LRRC9: variants seen among roughly 807,000 people sequenced by gnomAD.
LRRC9 encodes the protein leucine rich repeat containing 9.
LRRC9 carries 122 observed loss-of-function variants against 63.2 expected under a neutral mutation model. That is an observed-to-expected ratio of 1.93 (90% CI 1.67 to 2.24). The LOEUF is 2.24. Ranked by LOEUF, LRRC9 falls within the 30% of genes most tolerant of loss-of-function variation. The pLI, the probability that LRRC9 is intolerant of heterozygous loss-of-function variation, is 0.00. For synonymous variants in LRRC9, 366 were observed against 213.1 expected (o/e 1.72, Z -6.25); for missense variants, 1,071 against 627.7 (o/e 1.71, Z -7.55).
intron 29 of LRRC9, among the ~76,000 whole-genome samples, chr14:60,052,033 T>G (rs1205236856): frequency 6.6e-6 from 1 of 152,190 alleles, no homozygotes; most frequent in Non-Finnish European, 1.5e-5. Flanking sequence ...TGTGAGAACC[T>G]GGATATTTCA....
chr14:60,057,048 C>T (rs1032077885), intron 30 of LRRC9, among the ~76,000 whole-genome samples: 1 of 152,096 alleles, frequency 6.6e-6, no homozygotes, highest in African/African-American at 2.4e-5. Flanking sequence ...GTAAAAGGAC[C>T]AATACCTTAG....
chr14:60,005,897 A>G (rs1416411939), intron 21 of LRRC9, among the ~76,000 whole-genome samples: 2 of 152,094 alleles, frequency 1.3e-5, no homozygotes, highest in African/African-American at 4.8e-5. Flanking sequence ...GACTGGTTCC[A>G]TTTTCCAAAC....
chr14:60,018,113 G>T (rs981272007), intron 24 of LRRC9, among the ~76,000 whole-genome samples: 1 of 151,842 alleles, frequency 6.6e-6, no homozygotes, highest in African/African-American at 2.4e-5. Context: ...CTATAATAGT[G>T]CTATGTTTAT....
At chr14:59,977,568 TTGTGTGTGTGTGTGTG>T (rs150262478) in intron 14 of LRRC9, among the ~76,000 whole-genome samples, 1 of 144,514 alleles carries the variant, frequency 6.9e-6, no homozygotes, top group Non-Finnish European at 1.5e-5. Flanking sequence ...AATTATGTAT[TTGTGTGTGTGTGTGTG>T]TGTGTGTGTG....
At chr14:60,043,499 A>C (rs951433058) in intron 29 of LRRC9, among the ~76,000 whole-genome samples, 3 of 152,126 alleles carry the variant, frequency 2.0e-5, no homozygotes, top group African/African-American at 4.8e-5. Context: ...GTTTTCATTA[A>C]GGATACTGAA....
In LRRC9 at chr14:60,004,216, C is replaced by G. The variant is rs1396524214; in HGVS notation, c.2842+418C>G. Among the ~76,000 whole-genome samples, 1 of 152,242 alleles carries G rather than the reference C, an allele frequency of 6.6e-6. No individual in the cohort carries two copies. Among genetic ancestry groups the G allele is most frequent in the East Asian group, 1.9e-4 (1 of 5,182 alleles). On this transcript the variant is annotated intron_variant, in intron 21 of 31. Transcript: ENST00000445360. The surrounding 1 kb of genome is among the most constrained non-coding windows in gnomAD (Gnocchi z 4.8). ...TATAATCTGTTACCAAACATTAGCA[C>G]ATACCAACTAGTTAGTCATTAATGT...
At position 60,053,015 on chromosome 14, in the gene LRRC9, T is replaced by G. The variant is rs1894005996; in HGVS notation, c.3991-50T>G. ...TTTCCTTCTCTATACAGGTTAATCTTTGAAATAAAAGTTTTGTAGGAATAA... is the reference window on the plus strand; with the variant it reads ...TTTCCTTCTCTATACAGGTTAATCTGTGAAATAAAAGTTTTGTAGGAATAA... On this transcript the variant is annotated intron_variant, in intron 29 of 31. Transcript: ENST00000445360. The surrounding 1 kb of genome is among the most constrained non-coding windows in gnomAD (Gnocchi z 4.8). The G allele has an allele frequency of 7.4e-6, 5 of 675,380 alleles. No homozygotes were observed. Among genetic ancestry groups the G allele is most frequent in the South Asian group, 6.4e-5 (4 of 62,414 alleles). 41.8% of individuals were successfully genotyped at this position (675,380 alleles called of 1,614,324 possible). A position where few individuals can be genotyped will look rare whatever the true frequency, so the allele number is the denominator to read the frequency against.
intron 23 of LRRC9, among the ~76,000 whole-genome samples, chr14:60,012,166 A>G (rs1333138777): frequency 6.6e-6 from 1 of 152,180 alleles, no homozygotes; most frequent in Admixed American, 6.5e-5. Flanking sequence ...TGTCTGAGAT[A>G]TAAATAAACT....
chr14:59,945,497 G>A (rs945070641), intron 8 of LRRC9, among the ~76,000 whole-genome samples: 16 of 151,788 alleles, frequency 1.1e-4, no homozygotes, highest in African/African-American at 3.9e-4. Flanking sequence ...ATGAAAACAT[G>A]AAAAATTGAA....
intron 15 of LRRC9, among the ~76,000 whole-genome samples, chr14:59,979,943 T>G (rs1481314352): frequency 6.6e-6 from 1 of 151,878 alleles, no homozygotes; most frequent in African/African-American, 2.4e-5. Flanking sequence ...ATTGTGCACA[T>G]GTACCCTAAT....
Position 59,927,886 on chromosome 14 carries a change from T to G in LRRC9, c.-33-25T>G, listed in dbSNP as rs2139762433. 1 of 636,184 alleles carries G rather than the reference T, an allele frequency of 1.6e-6. No homozygotes were observed. The highest frequency in any genetic ancestry group is 1.9e-5 in the African/African-American group (1 of 53,786). The allele number at this position is 636,184 out of a possible 1,614,324, so 39.4% of individuals were successfully genotyped here. Reference sequence around the variant, plus strand: ...GAATGACAATGACTTTAATATTTATTTCATTTTTTCATTTTCCTTAAAAGT... The same window carrying G: ...GAATGACAATGACTTTAATATTTATGTCATTTTTTCATTTTCCTTAAAAGT... On this transcript the variant is annotated intron_variant, in intron 1 of 31. Transcript: ENST00000445360. This position sits in a 1 kb window ranked among gnomAD's most constrained non-coding sequence, Gnocchi z 4.4.
At position 59,986,182 on chromosome 14, in the gene LRRC9, T is replaced by C. The variant is rs79616630; in HGVS notation, c.2211+958T>C. On this transcript the variant is annotated intron_variant, in intron 17 of 31. Coordinates refer to ENST00000445360, the Ensembl canonical transcript of LRRC9. The surrounding 1 kb of genome is among the most constrained non-coding windows in gnomAD (Gnocchi z 4.7). ...CAATACAGGAATGCACATGTACACATAGGCATGGATATTGTCTGGCTTTTA... is the reference window on the plus strand; with the variant it reads ...CAATACAGGAATGCACATGTACACACAGGCATGGATATTGTCTGGCTTTTA... Among the ~76,000 whole-genome samples, 1,085 of 152,308 alleles carry C rather than the reference T, an allele frequency of 7.1e-3. 9 individuals carry two copies. The highest frequency in any genetic ancestry group is 0.025 in the African/African-American group (1,019 of 41,562).
In LRRC9 at chr14:60,027,174, C is replaced by A. The variant is rs1891624102; in HGVS notation, c.3704-710C>A. Among the ~76,000 whole-genome samples the A allele has an allele frequency of 6.6e-6, 1 of 151,984 alleles. No individual in the cohort carries two copies. Among genetic ancestry groups the A allele is most frequent in the Non-Finnish European group, 1.5e-5 (1 of 67,958 alleles). ...TGTCTTTGAGAAAGCCACTTAATTT[C>A]TCTGACCCTCAATTTTCTGATTAGA... is the stretch of plus-strand genomic sequence containing the variant. On this transcript the variant is annotated intron_variant, in intron 27 of 31. Transcript: ENST00000445360. This position sits in a 1 kb window ranked among gnomAD's most constrained non-coding sequence, Gnocchi z 4.0.
intron 31 of LRRC9, among the ~76,000 whole-genome samples, chr14:60,061,739 A>G (rs1465617411): frequency 6.6e-6 from 1 of 152,230 alleles, no homozygotes; most frequent in African/African-American, 2.4e-5. Context: ...CATTTATTAC[A>G]GCATGCAGGT....
chr14:59,938,123 A>C lies in LRRC9; in HGVS notation c.544-267A>C, dbSNP rs1200719119. Among the ~76,000 whole-genome samples the C allele has an allele frequency of 6.6e-6, 1 of 152,152 alleles. No homozygotes were observed. The stretch of plus-strand genomic sequence containing the variant: ...ATTAATGAATAAATGTGCTCACATC[A>C]CTGGCTTCAAGGTTCCAGCTGGAAT... On this transcript the variant is annotated intron_variant, in intron 6 of 31. Coordinates refer to ENST00000445360, the Ensembl canonical transcript of LRRC9. The surrounding 1 kb of genome is among the most constrained non-coding windows in gnomAD (Gnocchi z 4.2).
At chr14:60,019,892 C>T (rs219396) in intron 26 of LRRC9, among the ~76,000 whole-genome samples, 127,398 of 151,158 alleles carry the variant, frequency 0.84, 54,240 homozygotes, top group Non-Finnish European at 0.9. Context: ...TATTTTATAA[C>T]GTGTATCTCC....
intron 29 of LRRC9, among the ~76,000 whole-genome samples, chr14:60,046,312 T>C (rs182789340): frequency 2.6e-5 from 4 of 152,364 alleles, no homozygotes; most frequent in Non-Finnish European, 2.9e-5. Context: ...TTTGTTGCAA[T>C]TGCTTTTGGC....
intron 24 of LRRC9, 71 bp downstream of exon 24, chr14:60,016,861 C>T: frequency 3.5e-6 from 2 of 565,864 alleles, no homozygotes; most frequent in Middle Eastern, 3.7e-4. Context: ...TTTTCTGAAG[C>T]TTACATTTAT....
At chr14:60,010,737 A>G (rs1890195248) in intron 23 of LRRC9, among the ~76,000 whole-genome samples, 1 of 152,120 alleles carries the variant, frequency 6.6e-6, no homozygotes, top group Non-Finnish European at 1.5e-5. Flanking sequence ...ACCCTAAATC[A>G]TCTCTCTCAA....
Sources: gnomAD v4.1 joint callset for allele counts (sites outside exome capture counted in the v4.1 genomes callset) on GRCh38, gnomAD v4.1.1 for gene constraint, Gnocchi (gnomAD v3.1) non-coding constraint, MANE v1.5 for transcripts, NCBI Gene and HGNC (gene_info 2026-07-23, HGNC 2026-07-21) for gene names.